Variants in TET2 observed in about 807,000 individuals in gnomAD.
The protein encoded by TET2 is tet methylcytosine dioxygenase 2.
TET2 carries 299 observed loss-of-function variants against 142.9 expected under a neutral mutation model. That is an observed-to-expected ratio of 2.09 (90% CI 1.90 to 2.30). The LOEUF is 2.30. Among genes scored for constraint, TET2 ranks in the 30% most tolerant of loss-of-function variants. The pLI, the probability that TET2 is intolerant of heterozygous loss-of-function variation, is 0.00. For synonymous variants in TET2, 819 were observed against 849.0 expected, an observed-to-expected ratio of 0.96 and a Z score of 0.61; for missense variants, 2,418 against 2,378.0, an observed-to-expected ratio of 1.02 and a Z score of -0.35.
chr4:105,272,285 CAT>C (rs1341141119), intron 9 of TET2, among the ~76,000 whole-genome samples: 1 of 152,078 alleles, frequency 6.6e-6, no homozygotes, highest in African/African-American at 2.4e-5. Flanking sequence ...TAGACAGAAA[CAT>C]ATGTGAAGAA....
chr4:105,258,983 A>G (rs1467325783), intron 6 of TET2, among the ~76,000 whole-genome samples: 1 of 152,212 alleles, frequency 6.6e-6, no homozygotes, highest in Non-Finnish European at 1.5e-5. Flanking sequence ...AATAAAGTAC[A>G]ACTACATGCA....
Position 105,189,370 on chromosome 4 carries a change from A to T in TET2, c.-192-990A>T, listed in dbSNP as rs75877139. Among the ~76,000 whole-genome samples, 17 of 152,308 alleles carry T rather than the reference A, an allele frequency of 1.1e-4. No individual in the cohort carries two copies. The East Asian group carries it at 3.1e-3, about 28-fold the overall frequency. Reference sequence around the variant, plus strand: ...TTCAGGATATTCCAATACTGTTTCCATATATTCAGGACAATGGACCAACTC... The same window carrying T: ...TTCAGGATATTCCAATACTGTTTCCTTATATTCAGGACAATGGACCAACTC... On this transcript the variant is annotated intron_variant, in intron 1 of 10. Coordinates refer to ENST00000380013, the MANE Select transcript of TET2 (RefSeq NM_001127208.3).
At chr4:105,266,642 A>G (rs1730692006) in intron 8 of TET2, among the ~76,000 whole-genome samples, 1 of 152,118 alleles carries the variant, frequency 6.6e-6, no homozygotes, top group African/African-American at 2.4e-5. Context: ...ATATATCTAG[A>G]TTAAAAATAC....
At chr4:105,241,172 C>T (rs1385057474) in intron 3 of TET2, 167 bp from the exon 4 acceptor site, 1 of 1,277,504 alleles carries the variant, frequency 7.8e-7, no homozygotes, top group African/African-American at 1.5e-5. Context: ...TTATGTGGCA[C>T]ATTTTCTAAT....
chr4:105,275,498 G>A lies in TET2; in HGVS notation c.4988G>A (p.Ser1663Asn), dbSNP rs1560573562. 1 of 1,551,660 alleles carries A rather than the reference G, an allele frequency of 6.4e-7. No individual in the cohort carries two copies. The highest frequency in any genetic ancestry group is 2.4e-5 in the East Asian group (1 of 40,918). ...CCGATGGATCTGTATAGGTATCCAA[G>A]CCAAGACCCTCTGTCTAAGCTCAGT... ...SQPMDLYRYP[S>N]QDPLSKLSLP... Residue 1663 changes from serine to asparagine, a missense_variant, in exon 11 of 11, where the codon AGC becomes AAC. Ser to Asn is a conservative substitution (Grantham distance 46). Coordinates refer to ENST00000380013, the MANE Select transcript of TET2 (RefSeq NM_001127208.3).
intron 6 of TET2, among the ~76,000 whole-genome samples, chr4:105,257,980 C>T (rs975522012): frequency 6.6e-6 from 1 of 151,976 alleles, no homozygotes; most frequent in Non-Finnish European, 1.5e-5. Flanking sequence ...TAGAGTATAT[C>T]CAACCAGTCT....
chr4:105,232,395 G>C (rs138912771), intron 2 of TET2, among the ~76,000 whole-genome samples: 1 of 152,172 alleles, frequency 6.6e-6, no homozygotes, highest in African/African-American at 2.4e-5. Flanking sequence ...TAATGGGATT[G>C]CTCGGTCAGA....
chr4:105,176,182 T>C (rs6818637), intron 1 of TET2, among the ~76,000 whole-genome samples: 114,152 of 152,088 alleles, frequency 0.75, 43,730 homozygotes, highest in African/African-American at 0.91. Context: ...AAACCTACAG[T>C]TTACATCATA....
At chr4:105,202,092 C>T (rs1410526917) in intron 2 of TET2, among the ~76,000 whole-genome samples, 1 of 151,982 alleles carries the variant, frequency 6.6e-6, no homozygotes, top group Admixed American at 6.6e-5. Flanking sequence ...TTTTTATGTC[C>T]TTGGAAATTT....
chr4:105,186,384 T>A (rs1171032772), intron 1 of TET2, among the ~76,000 whole-genome samples: 1 of 151,310 alleles, frequency 6.6e-6, no homozygotes, highest in Non-Finnish European at 1.5e-5. Context: ...GTTTGTTCCG[T>A]TTTATCTTCT....
At chr4:105,263,856 T>C (rs1448474525) in intron 8 of TET2, among the ~76,000 whole-genome samples, 3 of 152,004 alleles carry the variant, frequency 2.0e-5, no homozygotes, top group Non-Finnish European at 2.9e-5. Context: ...AGAAGAAATG[T>C]AGTAGGAAAA....
intron 2 of TET2, among the ~76,000 whole-genome samples, chr4:105,194,989 T>G (rs192377371): frequency 6.6e-6 from 1 of 152,288 alleles, no homozygotes; most frequent in East Asian, 1.9e-4. Context: ...TAAACAAGAC[T>G]GTTGACCTTC....
rs745927292 is a variant in TET2, at chr4:105,260,940, C to T, written c.3955-819C>T. ...AAGTGATAAATGTTTATCACTTTCA[C>T]GAGGTTTCATGTAAACCAAATCCAG... is the stretch of plus-strand genomic sequence containing the variant. On this transcript the variant is annotated intron_variant, in intron 7 of 10. Coordinates refer to ENST00000380013, the MANE Select transcript of TET2 (RefSeq NM_001127208.3). Among the ~76,000 whole-genome samples, 7 of 151,916 alleles carry T rather than the reference C, an allele frequency of 4.6e-5. No homozygotes were observed. The East Asian group carries it at 1.2e-3, about 25-fold the overall frequency.
chr4:105,199,876 C>A (rs981575622), intron 2 of TET2, among the ~76,000 whole-genome samples: 1 of 152,128 alleles, frequency 6.6e-6, no homozygotes, highest in Non-Finnish European at 1.5e-5. Context: ...TGATCTTATT[C>A]TCTTATATGG....
intron 1 of TET2, among the ~76,000 whole-genome samples, chr4:105,166,533 A>G (rs1222783533): frequency 6.0e-5 from 9 of 150,746 alleles, no homozygotes; most frequent in African/African-American, 2.2e-4. Flanking sequence ...TCTCCTGGCT[A>G]TGTCTATTAT....
chr4:105,178,758 C>T (rs1724952965), intron 1 of TET2, among the ~76,000 whole-genome samples: 1 of 151,536 alleles, frequency 6.6e-6, no homozygotes, highest in African/African-American at 2.4e-5. Flanking sequence ...GCACATGTAC[C>T]CTAAAACTTA....
intron 2 of TET2, among the ~76,000 whole-genome samples, chr4:105,198,955 T>C (rs1351613801): frequency 6.6e-6 from 1 of 152,208 alleles, no homozygotes; most frequent in Non-Finnish European, 1.5e-5. Flanking sequence ...TTTTTTTCAC[T>C]AAAGTGTCCT....
rs1560552898 is a variant in TET2, at chr4:105,242,912, T to A, written c.3579T>A (p.Cys1193Ter). 6.4e-7 allele frequency: 1 copy of A among 1,551,310 alleles called. No homozygotes were observed. Among genetic ancestry groups the A allele is most frequent in the Non-Finnish European group, 8.7e-7 (1 of 1,146,750 alleles). ...AAGAAGGCAAAAGTTCTCAGGGATG[T>A]CCTATTGCTAAGTGGGTAAGTGTGA... ...TGKEGKSSQG[C>*]PIAKWVVRRS... The change falls in exon 5 of 11, where the codon TGT becomes TGA. Residue 1193 changes from cysteine (C) to a stop codon, truncating the protein, a stop_gained. Coordinates refer to ENST00000380013, the MANE Select transcript of TET2 (RefSeq NM_001127208.3). LOFTEE classifies it high-confidence loss of function.
At chr4:105,207,801 A>G (rs1349738914) in intron 2 of TET2, among the ~76,000 whole-genome samples, 1 of 152,160 alleles carries the variant, frequency 6.6e-6, no homozygotes, top group Non-Finnish European at 1.5e-5. Flanking sequence ...TACAGACGAT[A>G]AGAAGATAGA....
Sources: allele counts gnomAD v4.1 joint callset (sites outside exome capture counted in the v4.1 genomes callset), GRCh38; gene constraint gnomAD v4.1.1; transcripts MANE v1.5; gene names NCBI Gene and HGNC (gene_info 2026-07-23, HGNC 2026-07-21).